The following ABLIM1 variants were observed in gnomAD, a reference collection of about 807,000 sequenced individuals.
ABLIM1 encodes actin-binding LIM protein 1.
ABLIM1 carries 40 observed loss-of-function variants against 107.0 expected under a neutral mutation model. That is an observed-to-expected ratio of 0.37 (90% CI 0.29 to 0.49). The LOEUF is 0.49. Ranked by LOEUF, ABLIM1 falls within the 20% of genes least tolerant of loss-of-function variation. The probability of loss-of-function intolerance (pLI) is 0.97; values close to 1 mark genes in which losing one functional copy is unlikely to be tolerated. For synonymous variants in ABLIM1, 357 were observed against 357.3 expected (o/e 1.00, Z 0.01); for missense variants, 857 against 1,008.5 (o/e 0.85, Z 2.04).
At chr10:114,659,574 C>T (rs998768067), upstream of ABLIM1, among the ~76,000 whole-genome samples, 9 of 152,188 alleles carry the variant, frequency 5.9e-5, no homozygotes, top group South Asian at 2.1e-4. Context: ...GATTCTTGCA[C>T]GTAAAGGTCA....
At chr10:114,661,213 C>T (rs563690588), upstream of ABLIM1, among the ~76,000 whole-genome samples, 6 of 152,272 alleles carry the variant, frequency 3.9e-5, no homozygotes, top group East Asian at 5.8e-4. Context: ...ATCATGAAGA[C>T]GGCTAATGAG....
chr10:114,681,277 C>A (rs773825988), intron 1 of ABLIM1, among the ~76,000 whole-genome samples: 3 of 152,180 alleles, frequency 2.0e-5, no homozygotes, highest in Non-Finnish European at 4.4e-5. Context: ...CTCAACGCAA[C>A]CTCCGCCTCT....
upstream of ABLIM1, chr10:114,658,313 C>T (rs116361928): frequency 2.1e-3 from 3,108 of 1,499,900 alleles, 75 homozygotes; most frequent in African/African-American, 0.039. Context: ...TTCTCACTGC[C>T]CAGCAAAGAA....
intron 22 of ABLIM1, among the ~76,000 whole-genome samples, chr10:114,436,713 G>A (rs1323242577): frequency 6.6e-6 from 1 of 152,076 alleles, no homozygotes; most frequent in South Asian, 2.1e-4. Context: ...ATGGACTATC[G>A]CAATAGAAAG....
At chr10:114,596,109 T>G (rs144465425) in intron 2 of ABLIM1, among the ~76,000 whole-genome samples, 3 of 152,284 alleles carry the variant, frequency 2.0e-5, no homozygotes, top group Non-Finnish European at 4.4e-5. Flanking sequence ...ATTCAGTCAG[T>G]CATCAAATTC....
At chr10:114,464,283 T>G (rs2064653246) in intron 12 of ABLIM1, among the ~76,000 whole-genome samples, 1 of 151,956 alleles carries the variant, frequency 6.6e-6, no homozygotes, top group African/African-American at 2.4e-5. Flanking sequence ...CCTCCCAGGT[T>G]CCAGCAATTC....
At chr10:114,527,168 G>A (rs2064901234) in intron 6 of ABLIM1, among the ~76,000 whole-genome samples, 1 of 152,138 alleles carries the variant, frequency 6.6e-6, no homozygotes, top group Non-Finnish European at 1.5e-5. Context: ...TGAGATGATG[G>A]AAAGGTGCCT....
intron 2 of ABLIM1, among the ~76,000 whole-genome samples, chr10:114,595,448 A>T (rs1242305508): frequency 1.3e-5 from 2 of 152,194 alleles, no homozygotes; most frequent in Non-Finnish European, 2.9e-5. Flanking sequence ...TACAACCATG[A>T]TACAGACAAA....
intron 1 of ABLIM1, among the ~76,000 whole-genome samples, chr10:114,651,402 G>A (rs11196832): frequency 2.6e-5 from 4 of 152,126 alleles, no homozygotes; most frequent in East Asian, 1.9e-4. Flanking sequence ...AGATCAGGCC[G>A]GCCCAGAGGA....
At chr10:114,444,228 A>G in intron 16 of ABLIM1, 94 bp from the exon 17 acceptor site, 1 of 1,105,560 alleles carries the variant, frequency 9.0e-7, no homozygotes, top group South Asian at 1.6e-5. Flanking sequence ...AGATCCCACA[A>G]GAAGTTTCTC....
At chr10:114,532,167 C>G (rs1039834674) in intron 6 of ABLIM1, among the ~76,000 whole-genome samples, 1 of 152,162 alleles carries the variant, frequency 6.6e-6, no homozygotes, top group Non-Finnish European at 1.5e-5. Context: ...CTTACCTATC[C>G]AGGCCACATC....
chr10:114,769,978 T>A (rs893873652), upstream of ABLIM1, among the ~76,000 whole-genome samples: 3 of 152,172 alleles, frequency 2.0e-5, no homozygotes, highest in African/African-American at 7.2e-5. Flanking sequence ...CTCATTCCAC[T>A]CTTAACCTTT....
intron 1 of ABLIM1, among the ~76,000 whole-genome samples, chr10:114,727,654 T>C (rs2081988613): frequency 6.6e-6 from 1 of 152,222 alleles, no homozygotes; most frequent in Non-Finnish European, 1.5e-5. Context: ...AAATTGGCTA[T>C]ATTAAAATTT....
intron 11 of ABLIM1, among the ~76,000 whole-genome samples, chr10:114,466,313 A>T (rs2065143652): frequency 6.8e-6 from 1 of 146,784 alleles, no homozygotes; most frequent in South Asian, 2.1e-4. Flanking sequence ...CTGTTTCTTT[A>T]AAAAAAAAAA....
intron 1 of ABLIM1, among the ~76,000 whole-genome samples, chr10:114,760,711 C>T (rs1435133262): frequency 1.3e-5 from 2 of 152,206 alleles, no homozygotes; most frequent in South Asian, 2.1e-4. Flanking sequence ...CAAAACAAAA[C>T]ATAATGCAGT....
chr10:114,559,875 A>G (rs2069413293), intron 4 of ABLIM1, among the ~76,000 whole-genome samples: 1 of 152,194 alleles, frequency 6.6e-6, no homozygotes, highest in Non-Finnish European at 1.5e-5. Context: ...TGCTCAAATT[A>G]TGGCCAGCAA....
chr10:114,792,717 A>T, the ABLIM1 span, among the ~76,000 whole-genome samples: 1 of 152,156 alleles, frequency 6.6e-6, no homozygotes, highest in African/African-American at 2.4e-5. Flanking sequence ...TACTGTTCAT[A>T]TGTTGATGAT....
chr10:114,728,131 CAT>C (rs1305621073), intron 1 of ABLIM1, among the ~76,000 whole-genome samples: 1 of 152,048 alleles, frequency 6.6e-6, no homozygotes, highest in African/African-American at 2.4e-5. Flanking sequence ...TGACTGTAAT[CAT>C]ATGAAAATGT....
chr10:114,497,362 A>T (rs1242176727), intron 6 of ABLIM1, among the ~76,000 whole-genome samples: 1 of 151,968 alleles, frequency 6.6e-6, no homozygotes, highest in Admixed American at 6.6e-5. Flanking sequence ...CTATCTTTGT[A>T]CCCTGCTCCT....
Sources: allele counts gnomAD v4.1 joint callset (sites outside exome capture counted in the v4.1 genomes callset), GRCh38; gene constraint gnomAD v4.1.1; transcripts MANE v1.5; gene names NCBI Gene and HGNC (gene_info 2026-07-23, HGNC 2026-07-21).